The following ECT2L variants were observed in gnomAD, a reference collection of about 807,000 sequenced individuals.
ECT2L encodes epithelial cell-transforming sequence 2 oncogene-like.
Under a neutral mutation model 122.8 loss-of-function variants are expected in ECT2L, and 126 were observed. The observed-to-expected ratio is 1.03, with a 90% CI of 0.89 to 1.19. The LOEUF is 1.19. ECT2L is among the 50% of genes most tolerant of loss of function. The probability of loss-of-function intolerance (pLI) is 0.00; values close to 1 mark genes in which losing one functional copy is unlikely to be tolerated. For synonymous variants in ECT2L, 385 were observed against 381.8 expected (o/e 1.01, Z -0.10); for missense variants, 1,012 against 1,064.1 (o/e 0.95, Z 0.68).
At chr6:138,847,344 A>G (rs1389490276) in intron 8 of ECT2L, among the ~76,000 whole-genome samples, 6 of 148,100 alleles carry the variant, frequency 4.1e-5, no homozygotes, top group Non-Finnish European at 7.4e-5. Flanking sequence ...AAAAAGCATT[A>G]AAGGCCCAAA....
chr6:138,885,469 C>A, intron 16 of ECT2L, 37 bp from the exon 17 acceptor site: 2 of 1,596,684 alleles, frequency 1.3e-6, no homozygotes, highest in Non-Finnish European at 1.7e-6. Context: ...TTACAACTAT[C>A]TCATAAAGTT....
chr6:138,816,580 G>T (rs896341535), intron 4 of ECT2L, among the ~76,000 whole-genome samples: 1 of 152,122 alleles, frequency 6.6e-6, no homozygotes, highest in African/African-American at 2.4e-5. Context: ...TGCCCCCGGG[G>T]TTCATGCCAT....
chr6:138,902,438 T>C (rs1779433679), intron 21 of ECT2L, 62 bp from the exon 22 acceptor site: 1 of 1,495,624 alleles, frequency 6.7e-7, no homozygotes, highest in African/African-American at 1.4e-5. Context: ...AGTATTAACA[T>C]TTTTTCTCAT....
intron 4 of ECT2L, among the ~76,000 whole-genome samples, chr6:138,817,431 T>A (rs1776107597): frequency 6.6e-6 from 1 of 152,234 alleles, no homozygotes; most frequent in Non-Finnish European, 1.5e-5. Context: ...ATTAGTATTA[T>A]TTGAATACTT....
At chr6:138,818,266 C>T (rs1041407671) in intron 4 of ECT2L, among the ~76,000 whole-genome samples, 46 of 152,162 alleles carry the variant, frequency 3.0e-4, no homozygotes, top group African/African-American at 1.0e-3. Flanking sequence ...TTGTCTCCAT[C>T]AGAGCAGACT....
At chr6:138,894,539 G>T (rs914401389) in intron 20 of ECT2L, among the ~76,000 whole-genome samples, 1 of 152,146 alleles carries the variant, frequency 6.6e-6, no homozygotes, top group African/African-American at 2.4e-5. Context: ...GAGCTATGAG[G>T]TATGAGGTAT....
intron 9 of ECT2L, among the ~76,000 whole-genome samples, chr6:138,849,943 T>C (rs1349790696): frequency 8.8e-6 from 1 of 113,666 alleles, no homozygotes; most frequent in Non-Finnish European, 2.1e-5. Flanking sequence ...TGCAGTTCAG[T>C]ATTGTTTGTT....
At position 138,902,563 on chromosome 6, in the gene ECT2L, A is replaced by C. The variant is rs1268792304; in HGVS notation, c.2651A>C (p.Glu884Ala). 2.5e-6 allele frequency: 4 copies of C among 1,613,818 alleles called. No individual in the cohort carries two copies. In the East Asian group the frequency reaches 8.9e-5, roughly 36 times the overall value. ...AAATGGATTTGTGCTACAGAAATAG[A>C]GGATGATAAGTTCCTATGGCTGTCA... is the stretch of plus-strand genomic sequence containing the variant. Reference protein sequence around the residue: ...KYKWICATEIEDDKFLWLSVL... With the variant: ...KYKWICATEIADDKFLWLSVL... The change falls in exon 22 of 22, where the codon GAG becomes GCG. Residue 884 changes from glutamate to alanine, a missense_variant. Physicochemically the swap from Glu to Ala is moderately radical, Grantham distance 107 (BLOSUM62 -1). Transcript: ENST00000541398.
intron 9 of ECT2L, among the ~76,000 whole-genome samples, chr6:138,849,636 A>C (rs1236301610): frequency 6.8e-6 from 1 of 147,690 alleles, no homozygotes; most frequent in Non-Finnish European, 1.5e-5. Flanking sequence ...TGGTGTGATC[A>C]CGGCTCACTG....
chr6:138,808,963 G>C (rs894485183), intron 1 of ECT2L, among the ~76,000 whole-genome samples: 24 of 152,152 alleles, frequency 1.6e-4, no homozygotes, highest in Non-Finnish European at 3.4e-4. Flanking sequence ...CTGGCCTCAA[G>C]TGATCCACCT....
At chr6:138,819,934 A>T (rs1401032475) in intron 4 of ECT2L, among the ~76,000 whole-genome samples, 1 of 151,968 alleles carries the variant, frequency 6.6e-6, no homozygotes. Flanking sequence ...AATATAGGAG[A>T]TTACTAATAC....
At chr6:138,821,071 G>T (rs1340935662) in intron 4 of ECT2L, among the ~76,000 whole-genome samples, 1 of 152,198 alleles carries the variant, frequency 6.6e-6, no homozygotes, top group African/African-American at 2.4e-5. Context: ...AAGCCCCAAG[G>T]CTTCTTCCAT....
intron 20 of ECT2L, among the ~76,000 whole-genome samples, chr6:138,898,788 C>A (rs964443739): frequency 6.6e-6 from 1 of 152,090 alleles, no homozygotes; most frequent in African/African-American, 2.4e-5. Flanking sequence ...ACAGCAGTCC[C>A]CCCTTATCCA....
chr6:138,823,481 C>G, intron 4 of ECT2L: 2 of 1,598,836 alleles, frequency 1.3e-6, no homozygotes, highest in Non-Finnish European at 1.7e-6. Context: ...TGCTCACAGT[C>G]GTTATAGTTT....
chr6:138,869,221 C>T (rs1396984349), intron 13 of ECT2L, among the ~76,000 whole-genome samples: 4 of 152,120 alleles, frequency 2.6e-5, no homozygotes, highest in Non-Finnish European at 5.9e-5. Flanking sequence ...TGAGGGGAGT[C>T]GGGAATAGAA....
rs190871223 is a variant in ECT2L at position 138,803,119 on chromosome 6, C to A, written c.-244+6927C>A. On this transcript the variant is annotated intron_variant, in intron 1 of 21. Transcript: ENST00000541398. The stretch of plus-strand genomic sequence containing the variant: ...AATGATAATAACCCTGAGCCAGGAG[C>A]AGTTGGTTATGCCTGTAGCCCCAGC... Among the ~76,000 whole-genome samples, 222 of 151,238 alleles carry A rather than the reference C, an allele frequency of 1.5e-3. 1 individual carries two copies. The highest frequency in any genetic ancestry group is 5.1e-3 in the African/African-American group (208 of 41,172).
chr6:138,880,999 G>C lies in ECT2L; in HGVS notation c.1708G>C (p.Val570Leu), dbSNP rs762498972. ...GGACTCAGCAGAAAAGCGAGCTAGA[G>C]TTGTCAGAGAACTCTTACAGAGTGA... ...QKDSAEKRAR[V>L]VRELLQSERK... The change falls in exon 15 of 22, where the codon GTT becomes CTT. Residue 570 changes from valine (V) to leucine (L), a missense_variant. By Grantham distance (32) the Val-to-Leu change is conservative. Coordinates refer to ENST00000541398, the MANE Select transcript of ECT2L (RefSeq NM_001077706.3). The C allele has an allele frequency of 9.0e-5, 146 of 1,614,024 alleles. No homozygotes were observed. The highest frequency in any genetic ancestry group is 1.2e-4 in the Non-Finnish European group (144 of 1,180,020).
intron 1 of ECT2L, among the ~76,000 whole-genome samples, chr6:138,807,089 A>C (rs991948604): frequency 4.6e-5 from 7 of 151,390 alleles, no homozygotes; most frequent in Admixed American, 4.0e-4. Context: ...AGAAAGAGGA[A>C]GGGTTGGTTT....
chr6:138,822,903 G>A (rs200484946), intron 4 of ECT2L: 61 of 1,613,750 alleles, frequency 3.8e-5, no homozygotes, highest in African/African-American at 1.3e-4. Context: ...AATAGCTTTC[G>A]TCATTGGACT....
Sources: gnomAD v4.1 joint callset for allele counts (sites outside exome capture counted in the v4.1 genomes callset) on GRCh38, gnomAD v4.1.1 for gene constraint, MANE v1.5 for transcripts, NCBI Gene and HGNC (gene_info 2026-07-23, HGNC 2026-07-21) for gene names.